The following TMEM178B variants were observed in gnomAD, a reference collection of about 807,000 sequenced individuals.
TMEM178B encodes transmembrane protein 178B.
TMEM178B carries 5 observed loss-of-function variants against 31.0 expected under a neutral mutation model. The ratio of observed to expected loss-of-function variants is 0.16; its 90% CI spans 0.08 to 0.34. TMEM178B has a LOEUF of 0.34. Ranked by LOEUF, TMEM178B falls within the 10% of genes least tolerant of loss-of-function variation. The pLI is 1.00. For missense variants in TMEM178B, 275 were observed against 400.3 expected (o/e 0.69, Z 2.67); for synonymous variants, 164 against 164.0 (o/e 1.00, Z 0.00).
chr7:141,179,877 T>G (rs1224499778), intron 1 of TMEM178B, among the ~76,000 whole-genome samples: 3 of 152,176 alleles, frequency 2.0e-5, no homozygotes, highest in Non-Finnish European at 4.4e-5. Context: ...TCTGTAGCCT[T>G]CTCCCACAAC....
Position 141,471,803 on chromosome 7 carries a change from TG to T in TMEM178B, c.*1018del, listed in dbSNP as rs1563191544. The T allele has an allele frequency of 1.4e-5, 2 of 145,854 alleles. No homozygotes were observed. The highest frequency in any genetic ancestry group is 2.8e-5 in the African/African-American group (1 of 35,476). 9.0% of individuals were successfully genotyped at this position (145,854 alleles called of 1,614,324 possible). On this transcript the variant is annotated 3_prime_UTR_variant, in exon 4 of 4. Coordinates refer to ENST00000565468, the MANE Select transcript of TMEM178B (RefSeq NM_001195278.2). This position sits in a 1 kb window ranked among gnomAD's most constrained non-coding sequence, Gnocchi z 4.1. Reference sequence around the variant, plus strand: ...GTGCGTGTGTGTGTGTGTGTGTGTGTGTGTGTGTGTGTGTGGTGGATGTTTC... The same window carrying T: ...GTGCGTGTGTGTGTGTGTGTGTGTGTTGTGTGTGTGTGTGGTGGATGTTTC...
intron 2 of TMEM178B, among the ~76,000 whole-genome samples, chr7:141,381,408 A>G (rs1800312689): frequency 6.6e-6 from 1 of 152,250 alleles, no homozygotes; most frequent in Non-Finnish European, 1.5e-5. Flanking sequence ...TTGGTTTGTC[A>G]GAGAACTAAG....
intron 2 of TMEM178B, among the ~76,000 whole-genome samples, chr7:141,221,042 A>G (rs1304045176): frequency 6.6e-6 from 1 of 152,168 alleles, no homozygotes; most frequent in African/African-American, 2.4e-5. Context: ...TGACATGTAC[A>G]CTTCATGGGT....
intron 2 of TMEM178B, among the ~76,000 whole-genome samples, chr7:141,307,144 T>C (rs1224317575): frequency 6.8e-6 from 1 of 147,922 alleles, no homozygotes; most frequent in African/African-American, 2.5e-5. Context: ...GGCTAAATCA[T>C]AGAAATTGGG....
intron 2 of TMEM178B, among the ~76,000 whole-genome samples, chr7:141,274,225 C>T (rs1266265309): frequency 7.9e-5 from 12 of 152,176 alleles, no homozygotes; most frequent in Non-Finnish European, 1.8e-4. Context: ...GTCCATCTCT[C>T]CCACCAAAAT....
At chr7:141,386,381 T>G (rs76850612) in intron 2 of TMEM178B, among the ~76,000 whole-genome samples, 1,947 of 152,318 alleles carry the variant, frequency 0.013, 23 homozygotes, top group Non-Finnish European at 0.018. Flanking sequence ...TCAGGAACTT[T>G]GCTTTCCACT....
At chr7:141,492,344 G>A in the TMEM178B span, among the ~76,000 whole-genome samples, 128 of 152,110 alleles carry the variant, frequency 8.4e-4, no homozygotes, top group African/African-American at 3.0e-3. Context: ...TCTTAATATC[G>A]GACCCTGGCT....
At chr7:141,183,351 G>A (rs1444370173) in intron 1 of TMEM178B, among the ~76,000 whole-genome samples, 1 of 152,144 alleles carries the variant, frequency 6.6e-6, no homozygotes, top group African/African-American at 2.4e-5. Flanking sequence ...TGTTGAAAAT[G>A]CACAGGAAAT....
intron 2 of TMEM178B, among the ~76,000 whole-genome samples, chr7:141,301,990 G>A (rs1355111755): frequency 2.0e-5 from 3 of 152,196 alleles, no homozygotes; most frequent in African/African-American, 7.2e-5. Flanking sequence ...GCCAGGGGTT[G>A]GGGGAAGGAG....
intron 2 of TMEM178B, among the ~76,000 whole-genome samples, chr7:141,370,143 G>A (rs1444633182): frequency 6.6e-6 from 1 of 152,142 alleles, no homozygotes; most frequent in Non-Finnish European, 1.5e-5. Flanking sequence ...CACAGAGAGG[G>A]AGAAGTCATA....
intron 1 of TMEM178B, among the ~76,000 whole-genome samples, chr7:141,133,808 A>T (rs1795632434): frequency 6.6e-6 from 1 of 152,208 alleles, no homozygotes; most frequent in Non-Finnish European, 1.5e-5. Flanking sequence ...TAAAAGTCAA[A>T]GACAAAGAAT....
chr7:141,359,190 A>T (rs1213653529), intron 2 of TMEM178B, among the ~76,000 whole-genome samples: 3 of 152,202 alleles, frequency 2.0e-5, no homozygotes, highest in African/African-American at 7.2e-5. Context: ...CTTTTCACTC[A>T]GTGTTTTATT....
chr7:141,355,396 C>A (rs2116537255), intron 2 of TMEM178B, among the ~76,000 whole-genome samples: 1 of 152,238 alleles, frequency 6.6e-6, no homozygotes, highest in African/African-American at 2.4e-5. Context: ...ACTGATAATC[C>A]CTTCATCAGT....
At position 141,479,183 on chromosome 7, in the gene TMEM178B, G is replaced by A. The variant is rs1802430724; in HGVS notation, c.*8397G>A. ...TAACCTGATCCCCTTATCATATAGTGGGGAAGGGGCAGGCAGGCCTTCTCT... is the reference window on the plus strand; with the variant it reads ...TAACCTGATCCCCTTATCATATAGTAGGGAAGGGGCAGGCAGGCCTTCTCT... On this transcript the variant is annotated 3_prime_UTR_variant, in exon 4 of 4. Coordinates refer to ENST00000565468, the MANE Select transcript of TMEM178B (RefSeq NM_001195278.2). 1.3e-5 allele frequency: 2 copies of A among 152,242 alleles called. No individual in the cohort carries two copies. Among genetic ancestry groups the A allele is most frequent in the Admixed American group, 6.5e-5 (1 of 15,286 alleles). The allele number at this position is 152,242 out of a possible 1,614,324, so 9.4% of individuals were successfully genotyped here. A position where few individuals can be genotyped will look rare whatever the true frequency, so the allele number is the denominator to read the frequency against.
At chr7:141,507,643 T>C in the TMEM178B span, among the ~76,000 whole-genome samples, 1 of 152,240 alleles carries the variant, frequency 6.6e-6, no homozygotes, top group Non-Finnish European at 1.5e-5. Flanking sequence ...AGTGCTGGGA[T>C]TACAGGCATG....
chr7:141,393,522 G>A (rs1389127415), intron 2 of TMEM178B, among the ~76,000 whole-genome samples: 1 of 152,104 alleles, frequency 6.6e-6, no homozygotes, highest in African/African-American at 2.4e-5. Context: ...CAGGAGCAGG[G>A]GAAGATTTCT....
intron 3 of TMEM178B, among the ~76,000 whole-genome samples, chr7:141,453,034 G>A (rs1395261110): frequency 6.6e-6 from 1 of 152,216 alleles, no homozygotes; most frequent in Non-Finnish European, 1.5e-5. Flanking sequence ...GCCTATTGAA[G>A]CCTGAAGCTG....
intron 1 of TMEM178B, among the ~76,000 whole-genome samples, chr7:141,155,596 G>A (rs965252804): frequency 6.6e-6 from 1 of 152,188 alleles, no homozygotes; most frequent in Non-Finnish European, 1.5e-5. Context: ...ACGTCTGATG[G>A]AAGGGGTATG....
chr7:141,464,086 C>G (rs1047667410), intron 3 of TMEM178B, among the ~76,000 whole-genome samples: 2 of 152,148 alleles, frequency 1.3e-5, no homozygotes, highest in African/African-American at 4.8e-5. Context: ...GCGAGCCTTT[C>G]AGAAGTTAGA....
Sources: allele counts gnomAD v4.1 joint callset (sites outside exome capture counted in the v4.1 genomes callset), GRCh38; gene constraint gnomAD v4.1.1; non-coding constraint Gnocchi (gnomAD v3.1); transcripts MANE v1.5; gene names NCBI Gene and HGNC (gene_info 2026-07-23, HGNC 2026-07-21).